Variants in FER observed in about 807,000 individuals in gnomAD.
The protein encoded by FER is tyrosine-protein kinase Fer.
FER carries 63 observed loss-of-function variants against 111.0 expected under a neutral mutation model. That is an observed-to-expected ratio of 0.57 (90% CI 0.46 to 0.70). The LOEUF (loss-of-function observed/expected upper bound fraction) is 0.70. FER is among the 30% of genes least tolerant of loss of function. FER has a pLI of 0.00. For synonymous variants in FER, 327 were observed against 313.9 expected (o/e 1.04, Z -0.44); for missense variants, 914 against 954.0 (o/e 0.96, Z 0.55).
At chr5:109,049,543 G>A (rs776749241) in intron 16 of FER, among the ~76,000 whole-genome samples, 11 of 151,684 alleles carry the variant, frequency 7.3e-5, no homozygotes, top group Admixed American at 2.6e-4. Context: ...TTTCTCTTAC[G>A]TTACTAGCTA....
At chr5:109,016,500 C>T (rs1161551648) in intron 13 of FER, among the ~76,000 whole-genome samples, 1 of 152,028 alleles carries the variant, frequency 6.6e-6, no homozygotes, top group Non-Finnish European at 1.5e-5. Context: ...TTCACTTTAA[C>T]CAAGGACAAC....
At chr5:109,058,813 A>G (rs181862411) in intron 16 of FER, among the ~76,000 whole-genome samples, 3 of 140,528 alleles carry the variant, frequency 2.1e-5, no homozygotes, top group Admixed American at 7.6e-5. Context: ...GCTCACTGCA[A>G]CCTCCGCCTT....
chr5:108,909,009 C>T (rs7713541), intron 10 of FER, among the ~76,000 whole-genome samples: 40,343 of 152,066 alleles, frequency 0.27, 5,891 homozygotes, highest in African/African-American at 0.37. Context: ...CCAGCCTGGG[C>T]AACAGAACCA....
At chr5:109,147,800 T>G (rs59877162) in intron 17 of FER, among the ~76,000 whole-genome samples, 38,788 of 117,854 alleles carry the variant, frequency 0.33, 5,539 homozygotes, top group African/African-American at 0.42. Flanking sequence ...TATATATATA[T>G]AGAGAGAGAG....
At chr5:109,138,304 T>C (rs563710686) in intron 17 of FER, among the ~76,000 whole-genome samples, 37 of 152,294 alleles carry the variant, frequency 2.4e-4, no homozygotes, top group African/African-American at 8.7e-4. Flanking sequence ...AAAAAGATGT[T>C]AGAAGAGAAA....
intron 17 of FER, among the ~76,000 whole-genome samples, chr5:109,150,934 TAATC>T (rs1246853165): frequency 1.3e-5 from 2 of 152,162 alleles, no homozygotes; most frequent in Non-Finnish European, 2.9e-5. Context: ...AATGTTAAGT[TAATC>T]AAAGTGGTAT....
At chr5:108,961,173 G>T (rs770119103) in intron 13 of FER, among the ~76,000 whole-genome samples, 2 of 152,158 alleles carry the variant, frequency 1.3e-5, no homozygotes, top group African/African-American at 2.4e-5. Flanking sequence ...AAAATTCAGT[G>T]CAGGAAGATA....
At chr5:109,184,537 A>G (rs1370368262) in intron 18 of FER, among the ~76,000 whole-genome samples, 2 of 152,148 alleles carry the variant, frequency 1.3e-5, no homozygotes, top group South Asian at 4.1e-4. Context: ...ATATGTCTTT[A>G]TTGATCTCTG....
intron 4 of FER, among the ~76,000 whole-genome samples, chr5:108,834,460 G>A (rs1017303364): frequency 6.6e-6 from 1 of 152,110 alleles, no homozygotes; most frequent in African/African-American, 2.4e-5. Flanking sequence ...CACTTTGGGA[G>A]GCCAAGATGG....
chr5:109,162,834 T>A (rs935087824), intron 17 of FER, among the ~76,000 whole-genome samples: 3 of 152,124 alleles, frequency 2.0e-5, no homozygotes, highest in Non-Finnish European at 4.4e-5. Context: ...GTAAGAATCT[T>A]AAGGTGCCTA....
chr5:108,774,085 T>G (rs1364774266), intron 2 of FER, among the ~76,000 whole-genome samples: 1 of 151,342 alleles, frequency 6.6e-6, no homozygotes, highest in Non-Finnish European at 1.5e-5. Context: ...CTGGTATGTG[T>G]TGTTCCCCTC....
rs551730097 is a variant in FER at position 109,065,703 on chromosome 5, C to CT, written c.1924+18507dup. Among the ~76,000 whole-genome samples the CT allele has an allele frequency of 5.3e-5, 8 of 152,288 alleles. No homozygotes were observed. In the South Asian group the frequency reaches 1.7e-3, roughly 32 times the overall value. ...TATTATATTAAGCATTGTATAGCCT[C>CT]TTGTCAGTGAAATGTGAAAATAATA... On this transcript the variant is annotated intron_variant, in intron 16 of 19. Transcript: ENST00000281092.
At chr5:109,070,218 C>G (rs1160685199) in intron 16 of FER, among the ~76,000 whole-genome samples, 1 of 151,180 alleles carries the variant, frequency 6.6e-6, no homozygotes. Context: ...TTATTGAAAA[C>G]ATGGAGAGAA....
chr5:108,755,165 AT>A (rs1455936535), intron 1 of FER, among the ~76,000 whole-genome samples: 1 of 152,200 alleles, frequency 6.6e-6, no homozygotes, highest in Non-Finnish European at 1.5e-5. Flanking sequence ...GCATTACATT[AT>A]TTGTATACAG....
intron 17 of FER, among the ~76,000 whole-genome samples, chr5:109,165,318 CTAAAT>C (rs1756415560): frequency 6.6e-6 from 1 of 152,134 alleles, no homozygotes; most frequent in African/African-American, 2.4e-5. Flanking sequence ...TTGAGTGCCT[CTAAAT>C]TAAATAGTTT....
chr5:109,100,572 A>G, intron 17 of FER, 53 bp downstream of exon 17: 1 of 1,525,336 alleles, frequency 6.6e-7, no homozygotes, highest in Non-Finnish European at 8.9e-7. Context: ...GAATGCTGGA[A>G]AACTGATGTA....
chr5:108,920,516 T>C (rs927643571), intron 10 of FER, among the ~76,000 whole-genome samples: 7 of 141,092 alleles, frequency 5.0e-5, no homozygotes, highest in Admixed American at 3.5e-4. Context: ...TCCCACAGTC[T>C]TCTTAGGGTA....
chr5:108,986,151 C>CTTTT (rs1762551141), intron 13 of FER, among the ~76,000 whole-genome samples: 7 of 152,178 alleles, frequency 4.6e-5, no homozygotes, highest in African/African-American at 1.7e-4. Context: ...AAGGTGGTAT[C>CTTTT]ACATTGTGGT....
At chr5:109,176,525 C>A (rs1483694133) in intron 17 of FER, among the ~76,000 whole-genome samples, 1 of 151,824 alleles carries the variant, frequency 6.6e-6, no homozygotes, top group Non-Finnish European at 1.5e-5. Flanking sequence ...TTTGTAGATA[C>A]CAAAAATATA....
Sources: gnomAD v4.1 joint callset for allele counts (sites outside exome capture counted in the v4.1 genomes callset) on GRCh38, gnomAD v4.1.1 for gene constraint, MANE v1.5 for transcripts, NCBI Gene and HGNC (gene_info 2026-07-23, HGNC 2026-07-21) for gene names.